TLE4: variants seen among roughly 807,000 people sequenced by gnomAD.
TLE4 encodes the protein transducin-like enhancer protein 4.
Under a neutral mutation model 92.8 loss-of-function variants are expected in TLE4, and 8 were observed. That is an observed-to-expected ratio of 0.09 (90% CI 0.05 to 0.16). TLE4 has a LOEUF of 0.16. Ranked by LOEUF, TLE4 falls within the 10% of genes least tolerant of loss-of-function variation. The pLI is 1.00. For missense variants in TLE4, 675 were observed against 997.6 expected (o/e 0.68, Z 4.36); for synonymous variants, 371 against 374.1 (o/e 0.99, Z 0.10).
At chr9:79,719,861 A>T (rs2075278587) in intron 15 of TLE4, among the ~76,000 whole-genome samples, 185 bp from the exon 16 acceptor site, 1 of 152,220 alleles carries the variant, frequency 6.6e-6, no homozygotes, top group African/African-American at 2.4e-5. Context: ...CATTTTGTAG[A>T]TCAACTTTAA....
intron 8 of TLE4, among the ~76,000 whole-genome samples, chr9:79,690,704 C>A (rs1188555385): frequency 6.6e-6 from 1 of 151,136 alleles, no homozygotes; most frequent in Admixed American, 6.6e-5. Flanking sequence ...ACTGCAGCCT[C>A]CCAGGCTCGA....
intron 8 of TLE4, among the ~76,000 whole-genome samples, chr9:79,683,327 G>A (rs1284972461): frequency 6.6e-6 from 1 of 152,138 alleles, no homozygotes; most frequent in African/African-American, 2.4e-5. Flanking sequence ...CTAAAAGATG[G>A]TTTATGTCCC....
intron 4 of TLE4, chr9:79,601,654 T>C (rs61355650): frequency 0.019 from 7,053 of 366,134 alleles, 120 homozygotes; most frequent in African/African-American, 0.055. Context: ...AATTAATGTG[T>C]GTGTTCTGAC....
intron 8 of TLE4, among the ~76,000 whole-genome samples, chr9:79,663,054 G>A (rs1193597373): frequency 3.2e-5 from 4 of 125,960 alleles, no homozygotes; most frequent in Admixed American, 3.1e-4. Flanking sequence ...CTGGGTGGGG[G>A]TGGGGGTGGG....
At chr9:79,720,377 G>GGGGT (rs1263740198) in intron 16 of TLE4, 84 bp downstream of exon 16, 3,254 of 316,298 alleles carry the variant, frequency 0.01, 273 homozygotes, top group African/African-American at 0.06. Context: ...TATAGGTATG[G>GGGGT]GTGTGTGTGT....
chr9:79,641,062 A>T (rs2057034975), intron 6 of TLE4, among the ~76,000 whole-genome samples: 1 of 151,706 alleles, frequency 6.6e-6, no homozygotes, highest in African/African-American at 2.4e-5. Context: ...AATTGGATAC[A>T]TACATGTCAC....
At chr9:79,585,528 C>T (rs2040840512) in intron 4 of TLE4, among the ~76,000 whole-genome samples, 1 of 152,156 alleles carries the variant, frequency 6.6e-6, no homozygotes, top group African/African-American at 2.4e-5. Flanking sequence ...TGCTGAGTAC[C>T]GTACCTTTAA....
Position 79,612,637 on chromosome 9 carries a change from T to C in TLE4, c.253-19T>C. 1 of 1,610,834 alleles carries C rather than the reference T, an allele frequency of 6.2e-7. No homozygotes were observed. Among genetic ancestry groups the C allele is most frequent in the South Asian group, 1.1e-5 (1 of 90,992 alleles). On this transcript the variant is annotated intron_variant, in intron 4 of 19. Transcript: ENST00000376552. ...CTGACTGTTCTCTTTATTGCTTTCC[T>C]TTCCCTTATTTTTTGCAGGCAGAGA... is the stretch of plus-strand genomic sequence containing the variant.
chr9:79,595,281 G>A (rs1040374370), intron 4 of TLE4, among the ~76,000 whole-genome samples: 16 of 152,192 alleles, frequency 1.1e-4, no homozygotes, highest in African/African-American at 3.9e-4. Flanking sequence ...TGTTGCTTCG[G>A]AGCAGTGACA....
intron 6 of TLE4, among the ~76,000 whole-genome samples, chr9:79,629,588 A>G (rs917685237): frequency 3.9e-5 from 6 of 152,198 alleles, no homozygotes; most frequent in African/African-American, 1.4e-4. Flanking sequence ...CGTGCTATCA[A>G]CGCGGCATAT....
At chr9:79,683,243 C>T (rs2065108212) in intron 8 of TLE4, among the ~76,000 whole-genome samples, 1 of 152,138 alleles carries the variant, frequency 6.6e-6, no homozygotes, top group South Asian at 2.1e-4. Context: ...TCCTATTCTC[C>T]TTTGTCTTCA....
At chr9:79,618,997 A>C (rs1259025358) in intron 5 of TLE4, among the ~76,000 whole-genome samples, 1 of 152,034 alleles carries the variant, frequency 6.6e-6, no homozygotes, top group Non-Finnish European at 1.5e-5. Context: ...TTCCATACCA[A>C]CCTGAATGCT....
At chr9:79,655,648 G>T (rs2059676057) in intron 8 of TLE4, among the ~76,000 whole-genome samples, 2 of 152,130 alleles carry the variant, frequency 1.3e-5, no homozygotes, top group African/African-American at 4.8e-5. Context: ...TCAGTACTTA[G>T]ACTAAAAAAG....
intron 4 of TLE4, among the ~76,000 whole-genome samples, chr9:79,577,439 T>C (rs1250659099): frequency 6.6e-6 from 1 of 152,216 alleles, no homozygotes; most frequent in African/African-American, 2.4e-5. Flanking sequence ...TATGTCAATA[T>C]TAGCATTATA....
chr9:79,695,358 C>G (rs957984519), intron 8 of TLE4, among the ~76,000 whole-genome samples: 1 of 151,994 alleles, frequency 6.6e-6, no homozygotes, highest in African/African-American at 2.4e-5. Context: ...ATCTCACACA[C>G]ACACACACAC....
intron 5 of TLE4, among the ~76,000 whole-genome samples, chr9:79,613,447 T>G (rs1057447874): frequency 4.6e-5 from 7 of 152,214 alleles, no homozygotes; most frequent in African/African-American, 1.7e-4. Flanking sequence ...TTTTTTTTTC[T>G]CTCCCTGCTT....
chr9:79,661,178 A>G (rs540549734), intron 8 of TLE4, among the ~76,000 whole-genome samples: 1 of 152,368 alleles, frequency 6.6e-6, no homozygotes, highest in East Asian at 1.9e-4. Flanking sequence ...GTTTCTCAAA[A>G]TGTAGATAAT....
At chr9:79,654,231 T>A (rs957653159) in intron 8 of TLE4, among the ~76,000 whole-genome samples, 156 bp downstream of exon 8, 1 of 110,052 alleles carries the variant, frequency 9.1e-6, no homozygotes, top group African/African-American at 5.1e-5. Context: ...GTGTGGTTGA[T>A]TTTTTTTTTT....
At position 79,572,830 on chromosome 9, in the gene TLE4, C is replaced by T; in HGVS notation, c.40C>T (p.His14Tyr). Reference sequence around the variant, plus strand: ...GAGCAAGATGTACCCGCAGACCAGACACCCAGTGAGTGCGGGCGGCGGGGC... The same window carrying T: ...GAGCAAGATGTACCCGCAGACCAGATACCCAGTGAGTGCGGGCGGCGGGGC... Reference protein sequence around the residue: ...DLSKMYPQTRHPAPHQPAQPF... With the variant: ...DLSKMYPQTRYPAPHQPAQPF... The change falls in exon 1 of 20, where the codon CAC (histidine) becomes TAC (tyrosine). Residue 14 changes from histidine to tyrosine, a missense_variant. By Grantham distance (83) the His-to-Tyr change is moderately conservative. Transcript: ENST00000376552. 1.9e-6 allele frequency: 3 copies of T among 1,599,180 alleles called. No individual in the cohort carries two copies. In the South Asian group the frequency reaches 3.4e-5, roughly 18 times the overall value.
Sources: gnomAD v4.1 joint callset for allele counts (sites outside exome capture counted in the v4.1 genomes callset) on GRCh38, gnomAD v4.1.1 for gene constraint, MANE v1.5 for transcripts, NCBI Gene and HGNC (gene_info 2026-07-23, HGNC 2026-07-21) for gene names.